The following PTPN3 variants were observed in gnomAD, a reference collection of about 807,000 sequenced individuals.
The protein encoded by PTPN3 is protein tyrosine phosphatase non-receptor type 3.
A neutral mutation model predicts 132.7 loss-of-function variants in PTPN3; 96 were observed. The observed-to-expected ratio is 0.72, with a 90% CI of 0.61 to 0.86. The LOEUF (loss-of-function observed/expected upper bound fraction) is 0.86. Among genes scored for constraint, PTPN3 ranks in the 40% least tolerant of loss-of-function variants. The probability of loss-of-function intolerance (pLI) is 0.00; values close to 1 mark genes in which losing one functional copy is unlikely to be tolerated. For missense variants in PTPN3, 1,125 were observed against 1,159.6 expected (o/e 0.97, Z 0.43); for synonymous variants, 398 against 429.0 (o/e 0.93, Z 0.89).
rs377151076 is a variant in PTPN3 at position 109,438,098 on chromosome 9, C to A, written c.587+16G>T. 5.6e-6 allele frequency: 9 copies of A among 1,609,074 alleles called. No individual in the cohort carries two copies. In the African/African-American group the frequency reaches 9.4e-5, roughly 17 times the overall value. ...CAACCCAAGTCCCCAAAGTAGGCCA[C>A]CCCAGCCCCCCTCACCTGTGCTGCT... On this transcript the variant is annotated intron_variant, in intron 8 of 25. Coordinates refer to ENST00000374541, the MANE Select transcript of PTPN3 (RefSeq NM_002829.4).
At chr9:109,428,122 G>A (rs751024906) in intron 11 of PTPN3, among the ~76,000 whole-genome samples, 4 of 152,204 alleles carry the variant, frequency 2.6e-5, no homozygotes, top group Non-Finnish European at 5.9e-5. Context: ...TTACTTTGTG[G>A]TGGGCTCTCT....
At chr9:109,411,414 C>T (rs760546126) in intron 14 of PTPN3, among the ~76,000 whole-genome samples, 1 of 152,172 alleles carries the variant, frequency 6.6e-6, no homozygotes, top group Non-Finnish European at 1.5e-5. Context: ...TCTAACCCCT[C>T]AGAGTCACAG....
chr9:109,442,540 C>T (rs999246747), intron 7 of PTPN3, among the ~76,000 whole-genome samples: 9 of 152,190 alleles, frequency 5.9e-5, no homozygotes, highest in African/African-American at 1.9e-4. Context: ...CCCATTCTAT[C>T]AGTTCTTTGC....
rs1162383430 is a variant in PTPN3, at chr9:109,422,863, A to C, written c.1002-11T>G. On this transcript the variant is annotated splice_polypyrimidine_tract_variant and intron_variant, in intron 12 of 25. Coordinates refer to ENST00000374541, the MANE Select transcript of PTPN3 (RefSeq NM_002829.4). ...TGGTTATTTACCGACCTGAAAAACC[A>C]GATGCAGGTTCACTTTCTACACTGA... 6.2e-7 allele frequency: 1 copy of C among 1,611,858 alleles called. No individual in the cohort carries two copies. The highest frequency in any genetic ancestry group is 8.5e-7 in the Non-Finnish European group (1 of 1,178,160).
intron 7 of PTPN3, among the ~76,000 whole-genome samples, chr9:109,439,323 C>T (rs16914146): frequency 0.34 from 51,419 of 151,780 alleles, 9,632 homozygotes; most frequent in African/African-American, 0.48. Flanking sequence ...CAACCGATCT[C>T]GTATTCCATT....
At chr9:109,507,641 T>C in the PTPN3 span, among the ~76,000 whole-genome samples, 2 of 152,234 alleles carry the variant, frequency 1.3e-5, no homozygotes, top group Non-Finnish European at 2.9e-5. Context: ...TTTGTAAACA[T>C]GAGTCACATG....
At chr9:109,533,469 G>C in the PTPN3 span, 2 of 1,566,332 alleles carry the variant, frequency 1.3e-6, no homozygotes, top group Non-Finnish European at 1.8e-6. Flanking sequence ...CTGTGTGTCT[G>C]CGTCGGTAAG....
At chr9:109,415,767 C>T (rs751022835) in intron 14 of PTPN3, among the ~76,000 whole-genome samples, 12 of 152,094 alleles carry the variant, frequency 7.9e-5, no homozygotes, top group Admixed American at 5.2e-4. Flanking sequence ...GAGTGAGGGA[C>T]GACTGATGTT....
chr9:109,411,852 G>A (rs561796400), intron 14 of PTPN3, among the ~76,000 whole-genome samples: 16 of 152,278 alleles, frequency 1.1e-4, no homozygotes, highest in African/African-American at 3.9e-4. Flanking sequence ...GAAACACAGC[G>A]ATACAGTAGG....
chr9:109,416,614 T>C (rs1842523461), intron 14 of PTPN3, among the ~76,000 whole-genome samples: 1 of 151,738 alleles, frequency 6.6e-6, no homozygotes, highest in South Asian at 2.1e-4. Context: ...CCCGCCTAAT[T>C]TTTGCATTTT....
Position 109,391,158 on chromosome 9 carries a change from T to C in PTPN3, c.2086A>G (p.Ile696Val). Residue 696 changes from isoleucine to valine, a missense_variant, in exon 21 of 26, where the codon ATT becomes GTT. Coordinates refer to ENST00000374541, the MANE Select transcript of PTPN3 (RefSeq NM_002829.4). ...RVLLQGNEDY[I>V]NASYVNMEIP... The stretch of plus-strand genomic sequence containing the variant: ...CTTACGTTCACGTAACTTGCATTAA[T>C]ATAATCTTCATTTCCCTGCAATAAT... The C allele has an allele frequency of 6.2e-7, 1 of 1,613,696 alleles. No homozygotes were observed. Among genetic ancestry groups the C allele is most frequent in the South Asian group, 1.1e-5 (1 of 90,980 alleles).
intron 1 of PTPN3, among the ~76,000 whole-genome samples, chr9:109,469,993 T>G (rs1846295367): frequency 6.6e-6 from 1 of 152,058 alleles, no homozygotes. Flanking sequence ...CGCAGTCCCC[T>G]TTTCCCAATT....
intron 14 of PTPN3, among the ~76,000 whole-genome samples, chr9:109,416,816 A>G (rs576918995): frequency 1.3e-5 from 2 of 152,178 alleles, no homozygotes; most frequent in Admixed American, 6.5e-5. Flanking sequence ...GCTCTAAGGA[A>G]AGAGGCAAAC....
At chr9:109,489,906 G>A (rs1167168505) in intron 1 of PTPN3, among the ~76,000 whole-genome samples, 1 of 152,168 alleles carries the variant, frequency 6.6e-6, no homozygotes, top group Non-Finnish European at 1.5e-5. Flanking sequence ...TCCAGGCCGG[G>A]TGGGGTGGCT....
the PTPN3 span, among the ~76,000 whole-genome samples, chr9:109,525,911 A>G: frequency 9.2e-5 from 14 of 152,234 alleles, no homozygotes; most frequent in African/African-American, 3.4e-4. Context: ...TTAAAAAGTT[A>G]TGACTCTTGA....
At chr9:109,533,682 C>T in the PTPN3 span, 6 of 1,485,922 alleles carry the variant, frequency 4.0e-6, no homozygotes, top group Non-Finnish European at 5.5e-6. Flanking sequence ...CCCTCCATCA[C>T]TTCTCCCTGC....
At chr9:109,451,791 A>C (rs963899142) in intron 5 of PTPN3, among the ~76,000 whole-genome samples, 3 of 152,112 alleles carry the variant, frequency 2.0e-5, no homozygotes, top group Non-Finnish European at 2.9e-5. Flanking sequence ...CCTCTCCCTC[A>C]AGTTTGGCCA....
At chr9:109,531,432 T>C in the PTPN3 span, among the ~76,000 whole-genome samples, 4 of 152,182 alleles carry the variant, frequency 2.6e-5, no homozygotes, top group Non-Finnish European at 5.9e-5. Context: ...AAAAGCGTCC[T>C]GGGAATAGCA....
intron 1 of PTPN3, among the ~76,000 whole-genome samples, chr9:109,474,988 T>C (rs543396603): frequency 6.6e-6 from 1 of 152,326 alleles, no homozygotes; most frequent in South Asian, 2.1e-4. Context: ...CTAGCTACTA[T>C]AATTAGACTG....
Sources: gnomAD v4.1 joint callset for allele counts (sites outside exome capture counted in the v4.1 genomes callset) on GRCh38, gnomAD v4.1.1 for gene constraint, MANE v1.5 for transcripts, NCBI Gene and HGNC (gene_info 2026-07-23, HGNC 2026-07-21) for gene names.